The following AGTPBP1 variants were observed in gnomAD, a reference collection of about 807,000 sequenced individuals.
The protein encoded by AGTPBP1 is ATP/GTP binding carboxypeptidase 1.
AGTPBP1 carries 70 observed loss-of-function variants against 143.9 expected under a neutral mutation model. The observed-to-expected ratio is 0.49, with a 90% CI of 0.40 to 0.59. The LOEUF (loss-of-function observed/expected upper bound fraction) is 0.59. Among genes scored for constraint, AGTPBP1 ranks in the 20% least tolerant of loss-of-function variants. AGTPBP1 has a pLI of 0.00. For synonymous variants in AGTPBP1, 463 were observed against 500.2 expected, an observed-to-expected ratio of 0.93 and a Z score of 0.99; for missense variants, 1,229 against 1,464.5, an observed-to-expected ratio of 0.84 and a Z score of 2.62.
intron 4 of AGTPBP1, among the ~76,000 whole-genome samples, chr9:85,680,583 CA>C (rs1229535602): frequency 6.8e-5 from 7 of 103,064 alleles, no homozygotes; most frequent in South Asian, 3.0e-4. Flanking sequence ...GACTCTGTCT[CA>C]AAAAAAAAAG....
In AGTPBP1 at chr9:85,633,220, T is replaced by C; in HGVS notation, c.1457A>G (p.Asp486Gly). 1.2e-6 allele frequency: 2 copies of C among 1,613,786 alleles called. No individual in the cohort carries two copies. The highest frequency in any genetic ancestry group is 8.5e-7 in the Non-Finnish European group (1 of 1,179,948). The change falls in exon 14 of 26, where the codon GAT (aspartate) becomes GGT (glycine). Residue 486 changes from aspartate (D) to glycine (G), a missense_variant. This residue lies in a region of AGTPBP1 where 743 missense variants were observed against 812.2 expected (regional missense o/e 0.91). Coordinates refer to ENST00000357081, the MANE Select transcript of AGTPBP1 (RefSeq NM_001330701.2). ...AAAGGTAGACTTCTTTTCACCTTCA[T>C]CTCCTTTAGAAGATATGTTCTCCTT... ...VMKENISSKG[D>G]EGEKKSTFMD...
At chr9:85,736,636 A>G in intron 1 of AGTPBP1, among the ~76,000 whole-genome samples, 1 of 152,226 alleles carries the variant, frequency 6.6e-6, no homozygotes, top group Admixed American at 6.5e-5. Flanking sequence ...TTTGTGAGAA[A>G]GCCTCTTTAA....
the AGTPBP1 span, among the ~76,000 whole-genome samples, chr9:85,801,940 ATATGTATG>A: frequency 2.6e-5 from 4 of 152,256 alleles, no homozygotes; most frequent in Middle Eastern, 0.01. Context: ...GTATGTGTAT[ATATGTATG>A]TATGTATGTA....
chr9:85,802,352 TA>T, the AGTPBP1 span, among the ~76,000 whole-genome samples: 1 of 152,132 alleles, frequency 6.6e-6, no homozygotes, highest in African/African-American at 2.4e-5. Flanking sequence ...CTTCCCCTTA[TA>T]CTTGCCTGGT....
At chr9:85,645,829 T>C (rs544659561) in intron 12 of AGTPBP1, among the ~76,000 whole-genome samples, 1 of 152,334 alleles carries the variant, frequency 6.6e-6, no homozygotes, top group African/African-American at 2.4e-5. Flanking sequence ...TAACATCTTA[T>C]GTAATATGAC....
At chr9:85,612,705 T>TC (rs988308038) in intron 17 of AGTPBP1, among the ~76,000 whole-genome samples, 1 of 152,000 alleles carries the variant, frequency 6.6e-6, no homozygotes, top group African/African-American at 2.4e-5. Flanking sequence ...GGAGACTGAG[T>TC]CCTTAATCCT....
chr9:85,606,946 T>A (rs1336111984), intron 17 of AGTPBP1, among the ~76,000 whole-genome samples: 3 of 151,798 alleles, frequency 2.0e-5, no homozygotes, highest in Non-Finnish European at 4.4e-5. Flanking sequence ...GGTTAATGAG[T>A]GTAAATATAT....
At chr9:85,727,624 G>C (rs1191467774) in intron 1 of AGTPBP1, among the ~76,000 whole-genome samples, 2 of 152,162 alleles carry the variant, frequency 1.3e-5, no homozygotes, top group East Asian at 3.8e-4. Context: ...CAGCAGACCA[G>C]ATTTTGCCAA....
intron 10 of AGTPBP1, among the ~76,000 whole-genome samples, chr9:85,655,960 T>C (rs1180164457): frequency 2.0e-5 from 3 of 152,192 alleles, no homozygotes; most frequent in African/African-American, 7.2e-5. Flanking sequence ...CCCGAGTAGC[T>C]GGGACTACAG....
chr9:85,735,359 C>T (rs1177829321), intron 1 of AGTPBP1, among the ~76,000 whole-genome samples: 3 of 152,074 alleles, frequency 2.0e-5, no homozygotes, highest in African/African-American at 7.2e-5. Context: ...TAGAACAGTG[C>T]CTGCCAGGGA....
rs1830183148 is a variant in AGTPBP1 at position 85,609,426 on chromosome 9, GA to G, written c.2335+9556del. 3.9e-5 allele frequency among the ~76,000 whole-genome samples: 6 copies of G among 152,004 alleles called. No homozygotes were observed. In the South Asian group the frequency reaches 1.0e-3, roughly 26 times the overall value. ...CTGCCTCAGCCTCCCAGGTAGCTGG[GA>G]TTACATGCAGGTGCCAGGCTCATTT... On this transcript the variant is annotated intron_variant, in intron 17 of 25. Coordinates refer to ENST00000357081, the MANE Select transcript of AGTPBP1 (RefSeq NM_001330701.2).
At chr9:85,618,896 A>G in intron 17 of AGTPBP1, 87 bp downstream of exon 17, 1 of 1,400,984 alleles carries the variant, frequency 7.1e-7, no homozygotes, top group Non-Finnish European at 9.6e-7. Context: ...AACATTTTTT[A>G]AAAGTTGACA....
chr9:85,620,228 A>G (rs113243810), intron 15 of AGTPBP1, among the ~76,000 whole-genome samples: 9 of 152,200 alleles, frequency 5.9e-5, no homozygotes, highest in African/African-American at 2.2e-4. Context: ...CCTGGCCAAC[A>G]TGGCAAAACT....
the AGTPBP1 span, among the ~76,000 whole-genome samples, chr9:85,773,446 G>A: frequency 2.8e-5 from 4 of 142,698 alleles, no homozygotes; most frequent in Non-Finnish European, 4.5e-5. Context: ...CCATTCGCCT[G>A]CTTCAGCCTC....
At chr9:85,677,286 T>G (rs1351448849) in intron 6 of AGTPBP1, 150 bp downstream of exon 6, 7 of 678,458 alleles carry the variant, frequency 1.0e-5, no homozygotes, top group Non-Finnish European at 1.6e-5. Context: ...CAAAATATCA[T>G]GTGTACCCCC....
At chr9:85,690,730 T>C (rs996019911) in intron 3 of AGTPBP1, among the ~76,000 whole-genome samples, 5 of 144,114 alleles carry the variant, frequency 3.5e-5, no homozygotes, top group African/African-American at 1.4e-4. Context: ...CATTCTCTGA[T>C]AGCAGTATGG....
Position 85,601,296 on chromosome 9 carries a change from G to A in AGTPBP1, c.2336-4847C>T, listed in dbSNP as rs1285727838. Among the ~76,000 whole-genome samples, 3 of 152,166 alleles carry A rather than the reference G, an allele frequency of 2.0e-5. No homozygotes were observed. In the East Asian group the frequency reaches 5.8e-4, roughly 29 times the overall value. ...TCAAACACTCTAAGGGGAGCCTAGG[G>A]ATCACCCAGCCGTCCTCATTATAGC... is the stretch of plus-strand genomic sequence containing the variant. On this transcript the variant is annotated intron_variant, in intron 17 of 25. Coordinates refer to ENST00000357081, the MANE Select transcript of AGTPBP1 (RefSeq NM_001330701.2).
In AGTPBP1 at chr9:85,692,693, ACT is replaced by A; in HGVS notation, c.151_152del (p.Gln52ArgfsTer33). 6.2e-7 allele frequency: 1 copy of A among 1,613,586 alleles called. No homozygotes were observed. The highest frequency in any genetic ancestry group is 8.5e-7 in the Non-Finnish European group (1 of 1,179,864). ...AAAGAAGAGATCAATGTTTACCTTG[ACT>A]CTGAGCCAGATGAAGAATTTTTGAT... ...VTSKILHLAQSQEKTRREMTA... is the reference protein window; with the variant it reads ...VTSKILHLAQXQEKTRREMTA... On this transcript the variant is annotated frameshift_variant, in exon 3 of 26. Transcript: ENST00000357081. LOFTEE classifies it high-confidence loss of function.
intron 8 of AGTPBP1, among the ~76,000 whole-genome samples, chr9:85,666,848 T>C (rs913309034): frequency 1.3e-5 from 2 of 152,110 alleles, no homozygotes; most frequent in African/African-American, 4.8e-5. Context: ...GCATAACTAA[T>C]GTACTTTTAG....
Sources: gnomAD v4.1 joint callset for allele counts (sites outside exome capture counted in the v4.1 genomes callset) on GRCh38, gnomAD v4.1.1 for gene constraint, gnomAD v4.1.1 regional missense constraint, MANE v1.5 for transcripts, NCBI Gene and HGNC (gene_info 2026-07-23, HGNC 2026-07-21) for gene names.